Variants in PLPP3 observed in about 807,000 individuals in gnomAD.
The protein encoded by PLPP3 is phospholipid phosphatase 3, also known as PAP2 beta.
In PLPP3, 6 loss-of-function variants were observed where a neutral mutation model predicts 29.6. That is an observed-to-expected ratio of 0.20 (90% CI 0.11 to 0.40). The LOEUF is 0.40. Ranked by LOEUF, PLPP3 falls within the 10% of genes least tolerant of loss-of-function variation. The pLI, the probability that PLPP3 is intolerant of heterozygous loss-of-function variation, is 1.00. For synonymous variants in PLPP3, 152 were observed against 159.7 expected (o/e 0.95, Z 0.36); for missense variants, 308 against 407.7 (o/e 0.76, Z 2.11).
chr1:56,549,326 T>C (rs1240121695), intron 1 of PLPP3, among the ~76,000 whole-genome samples: 2 of 152,288 alleles, frequency 1.3e-5, no homozygotes, highest in East Asian at 3.9e-4. Context: ...CACTAGTCAT[T>C]GGTTCAATGA....
At chr1:56,556,960 A>G (rs1049717764) in intron 1 of PLPP3, among the ~76,000 whole-genome samples, 10 of 2,872 alleles carry the variant, frequency 3.5e-3, no homozygotes, top group Admixed American at 0.017. Context: ...GAGAGAAAGA[A>G]AGAAAGAAAG....
intron 2 of PLPP3, among the ~76,000 whole-genome samples, chr1:56,527,861 G>A (rs531854571): frequency 3.9e-5 from 6 of 152,062 alleles, no homozygotes; most frequent in East Asian, 1.9e-4. Context: ...ATTGTTCTCC[G>A]ACACGTTACA....
chr1:56,541,925 C>T (rs1645972255), intron 1 of PLPP3, among the ~76,000 whole-genome samples: 4 of 144,514 alleles, frequency 2.8e-5, no homozygotes, highest in Admixed American at 2.1e-4. Context: ...TAAATGTATT[C>T]GTAATAAAAG....
At chr1:56,537,734 T>C (rs1162471047) in intron 1 of PLPP3, among the ~76,000 whole-genome samples, 1 of 151,902 alleles carries the variant, frequency 6.6e-6, no homozygotes, top group Admixed American at 6.5e-5. Context: ...AGCTGCTTCA[T>C]GAATGCCATT....
At chr1:56,556,144 TC>T (rs756359938) in intron 1 of PLPP3, among the ~76,000 whole-genome samples, 4 of 152,222 alleles carry the variant, frequency 2.6e-5, no homozygotes, top group Non-Finnish European at 5.9e-5. Flanking sequence ...TTGTGCCCTC[TC>T]CCACCAAATT....
At chr1:56,564,121 T>C (rs1236169131) in intron 1 of PLPP3, among the ~76,000 whole-genome samples, 1 of 152,198 alleles carries the variant, frequency 6.6e-6, no homozygotes. Context: ...TAGGTGTTGG[T>C]TGGGTCATAG....
chr1:56,535,579 G>A (rs918548156), intron 2 of PLPP3, among the ~76,000 whole-genome samples: 1 of 152,068 alleles, frequency 6.6e-6, no homozygotes, highest in Non-Finnish European at 1.5e-5. Flanking sequence ...AAGGAAAGGG[G>A]CAAGCCACAA....
At chr1:56,522,679 A>G (rs1645826778) in intron 4 of PLPP3, among the ~76,000 whole-genome samples, 2 of 126,714 alleles carry the variant, frequency 1.6e-5, no homozygotes, top group Non-Finnish European at 3.1e-5. Flanking sequence ...TTGGGGGGAA[A>G]AATAAATAAA....
intron 5 of PLPP3, among the ~76,000 whole-genome samples, chr1:56,511,195 C>T (rs1569867958): frequency 1.3e-5 from 2 of 152,266 alleles, no homozygotes; most frequent in Admixed American, 1.3e-4. Flanking sequence ...GAATAAGCCC[C>T]TCAAAACTCT....
At chr1:56,576,177 G>A (rs1646234290) in intron 1 of PLPP3, among the ~76,000 whole-genome samples, 2 of 151,966 alleles carry the variant, frequency 1.3e-5, no homozygotes, top group African/African-American at 4.8e-5. Context: ...ACATAACACT[G>A]ACATAGCACA....
intron 2 of PLPP3, among the ~76,000 whole-genome samples, chr1:56,534,905 A>T (rs1645914620): frequency 6.6e-6 from 1 of 152,148 alleles, no homozygotes; most frequent in Non-Finnish European, 1.5e-5. Flanking sequence ...AGGAGTGAGA[A>T]TCAAGAGACC....
chr1:56,496,661 C>G lies in PLPP3; in HGVS notation c.826G>C (p.Asp276His), dbSNP rs899202466. The G allele has an allele frequency of 3.1e-6, 5 of 1,612,916 alleles. No homozygotes were observed. In the African/African-American group the frequency reaches 5.4e-5, roughly 17 times the overall value. Residue 276 changes from aspartate (D) to histidine (H), a missense_variant, in exon 6 of 6, where the codon GAC becomes CAC. Coordinates refer to ENST00000371250, the MANE Select transcript of PLPP3 (RefSeq NM_003713.5). ...AGCGTCGTCTTAGTCTTGAAGAGGTCAGACACGAAGAAAACCTAGAAGCAC... is the reference window on the plus strand; with the variant it reads ...AGCGTCGTCTTAGTCTTGAAGAGGTGAGACACGAAGAAAACCTAGAAGCAC... ...VACCIVFFVS[D>H]LFKTKTTLSL...
chr1:56,532,840 G>A (rs1344139933), intron 2 of PLPP3, among the ~76,000 whole-genome samples: 1 of 151,998 alleles, frequency 6.6e-6, no homozygotes, highest in Non-Finnish European at 1.5e-5. Context: ...CAGCTAACAG[G>A]GTAGCCAAGA....
intron 1 of PLPP3, 126 bp downstream of exon 1, chr1:56,578,752 G>T: frequency 9.4e-7 from 1 of 1,058,918 alleles, no homozygotes. Flanking sequence ...TCCCCAGGAA[G>T]GCTGCGGGGG....
intron 1 of PLPP3, among the ~76,000 whole-genome samples, chr1:56,565,809 T>A (rs1646157638): frequency 6.6e-6 from 1 of 152,128 alleles, no homozygotes; most frequent in African/African-American, 2.4e-5. Context: ...GATGGTCCAT[T>A]CTAGGGTGTC....
At chr1:56,508,682 A>T (rs2100228880) in intron 5 of PLPP3, among the ~76,000 whole-genome samples, 1 of 152,272 alleles carries the variant, frequency 6.6e-6, no homozygotes, top group South Asian at 2.1e-4. Context: ...AGCAGAGCAG[A>T]GGTCACAGAC....
intron 4 of PLPP3, among the ~76,000 whole-genome samples, chr1:56,514,079 A>G (rs558037367): frequency 2.0e-5 from 3 of 152,250 alleles, no homozygotes; most frequent in Middle Eastern, 3.4e-3. Flanking sequence ...TTTAAAAAAA[A>G]AGAAAAAAGC....
chr1:56,544,686 T>C (rs967727862), intron 1 of PLPP3, among the ~76,000 whole-genome samples: 2 of 152,270 alleles, frequency 1.3e-5, no homozygotes, highest in Non-Finnish European at 2.9e-5. Flanking sequence ...TGTCTGACTC[T>C]AGAATTCATT....
intron 1 of PLPP3, among the ~76,000 whole-genome samples, chr1:56,574,895 C>T (rs1646225406): frequency 6.6e-6 from 1 of 152,182 alleles, no homozygotes; most frequent in African/African-American, 2.4e-5. Context: ...GCTAGAAGGA[C>T]ACTGAAAGAT....
Sources: allele counts gnomAD v4.1 joint callset (sites outside exome capture counted in the v4.1 genomes callset), GRCh38; gene constraint gnomAD v4.1.1; transcripts MANE v1.5; gene names NCBI Gene and HGNC (gene_info 2026-07-23, HGNC 2026-07-21).